The following LINGO2 variants were observed in gnomAD, a reference collection of about 807,000 sequenced individuals.
LINGO2 encodes the protein leucine-rich repeat and immunoglobulin-like domain-containing nogo receptor-interacting protein 2.
In LINGO2, 14 loss-of-function variants were observed where a neutral mutation model predicts 30.6. The observed-to-expected ratio is 0.46, with a 90% confidence interval of 0.30 to 0.72. LINGO2 has a LOEUF of 0.72. Among genes scored for constraint, LINGO2 ranks in the 30% least tolerant of loss-of-function variants. The pLI is 0.07. For missense variants in LINGO2, 729 were observed against 751.7 expected, an observed-to-expected ratio of 0.97 and a Z score of 0.35; for synonymous variants, 317 against 288.5, an observed-to-expected ratio of 1.10 and a Z score of -1.00.
At chr9:28,252,225 C>CT (rs556310736) in intron 4 of LINGO2, among the ~76,000 whole-genome samples, 55 of 151,844 alleles carry the variant, frequency 3.6e-4, no homozygotes, top group Non-Finnish European at 7.4e-4. Context: ...CATAGTAACA[C>CT]TTTTTTTTGT....
chr9:28,571,867 A>AGATC (rs1823712088), intron 1 of LINGO2, among the ~76,000 whole-genome samples: 1 of 152,108 alleles, frequency 6.6e-6, no homozygotes, highest in South Asian at 2.1e-4. Context: ...ACAGAGGAAC[A>AGATC]GATCGGCAAA....
At chr9:28,146,728 T>C (rs1407281043) in intron 4 of LINGO2, among the ~76,000 whole-genome samples, 3 of 152,204 alleles carry the variant, frequency 2.0e-5, no homozygotes, top group African/African-American at 7.2e-5. Flanking sequence ...CCTAGAGTTA[T>C]ATTTAGGGCA....
chr9:28,952,706 C>T, the LINGO2 span, among the ~76,000 whole-genome samples: 4 of 152,114 alleles, frequency 2.6e-5, no homozygotes, highest in East Asian at 1.9e-4. Context: ...GAAGTAGCCA[C>T]GTTAGACCAT....
At chr9:29,107,087 A>G in the LINGO2 span, among the ~76,000 whole-genome samples, 3 of 152,158 alleles carry the variant, frequency 2.0e-5, no homozygotes, top group African/African-American at 7.2e-5. Flanking sequence ...TACTATCTTA[A>G]TCACTAATTG....
the LINGO2 span, among the ~76,000 whole-genome samples, chr9:28,768,613 GACACACAC>G: frequency 0.023 from 3,289 of 144,462 alleles, 51 homozygotes; most frequent in Middle Eastern, 0.082. Context: ...GACAGACTGG[GACACACAC>G]ACACACACAC....
chr9:28,148,670 G>T lies in LINGO2; in HGVS notation c.-86-136265C>A. ...CCAGACTGACAAGGCCCAGGTGCCT[G>T]CAGTGAGTTTCTACTCCAACGGCCA... On this transcript the variant is annotated intron_variant, in intron 4 of 5. Transcript: ENST00000379992. This position sits in a 1 kb window ranked among gnomAD's most constrained non-coding sequence, Gnocchi z 5.1. 5 of 1,533,220 alleles carry T rather than the reference G, an allele frequency of 3.3e-6. No homozygotes were observed. The highest frequency in any genetic ancestry group is 3.5e-6 in the Non-Finnish European group (4 of 1,145,636). The allele number at this position is 1,533,220 out of a possible 1,614,324, so 95.0% of individuals were successfully genotyped here. A position where few individuals can be genotyped will look rare whatever the true frequency, so the allele number is the denominator to read the frequency against.
chr9:28,992,467 T>C, the LINGO2 span, among the ~76,000 whole-genome samples: 2 of 136,904 alleles, frequency 1.5e-5, no homozygotes, highest in African/African-American at 5.6e-5. Context: ...TGAGACAAAG[T>C]TAACAAGGAT....
the LINGO2 span, among the ~76,000 whole-genome samples, chr9:28,733,506 T>A: frequency 6.6e-6 from 1 of 152,162 alleles, no homozygotes; most frequent in African/African-American, 2.4e-5. Flanking sequence ...CATCCTTCTG[T>A]AATTTTCAGG....
chr9:28,625,192 G>C (rs1275548907), intron 1 of LINGO2, among the ~76,000 whole-genome samples: 1 of 152,020 alleles, frequency 6.6e-6, no homozygotes, highest in Non-Finnish European at 1.5e-5. Context: ...GTTAGGGCTG[G>C]TCCAAATGCT....
intron 1 of LINGO2, among the ~76,000 whole-genome samples, chr9:28,506,766 A>G (rs1587774394): frequency 6.6e-6 from 1 of 151,694 alleles, no homozygotes; most frequent in East Asian, 1.9e-4. Context: ...TCTAGGTACC[A>G]TAATTATTGC....
Position 28,215,403 on chromosome 9 carries a change from A to G in LINGO2, c.-87+79805T>C, listed in dbSNP as rs369037883. Reference sequence around the variant, plus strand: ...GAAGTTTAAAGAATCAATGATTAGAAGTCAAGAGGTAAAAATGTTGCGCAT... The same window carrying G: ...GAAGTTTAAAGAATCAATGATTAGAGGTCAAGAGGTAAAAATGTTGCGCAT... On this transcript the variant is annotated intron_variant, in intron 4 of 5. Coordinates refer to ENST00000379992, the Ensembl canonical transcript of LINGO2. 2.6e-5 allele frequency among the ~76,000 whole-genome samples: 4 copies of G among 151,934 alleles called. No individual in the cohort carries two copies. In the South Asian group the frequency reaches 6.2e-4, roughly 24 times the overall value.
the LINGO2 span, among the ~76,000 whole-genome samples, chr9:28,884,414 T>C: frequency 2.0e-5 from 3 of 152,178 alleles, no homozygotes; most frequent in Non-Finnish European, 2.9e-5. Flanking sequence ...GGAAAGTGAA[T>C]GTAATTCTGA....
chr9:28,045,693 T>A (rs2133021399), intron 4 of LINGO2, among the ~76,000 whole-genome samples: 1 of 152,242 alleles, frequency 6.6e-6, no homozygotes, highest in African/African-American at 2.4e-5. Context: ...ACATTACAAT[T>A]AATAAGCAAT....
At chr9:28,902,562 A>G in the LINGO2 span, among the ~76,000 whole-genome samples, 72 of 152,256 alleles carry the variant, frequency 4.7e-4, 1 homozygote, top group African/African-American at 1.6e-3. Context: ...AGAGCATTCT[A>G]TCCAATAGCA....
chr9:28,026,039 T>TTTAC (rs1225052853), intron 4 of LINGO2, among the ~76,000 whole-genome samples: 1 of 152,214 alleles, frequency 6.6e-6, no homozygotes, highest in Non-Finnish European at 1.5e-5. Context: ...TCCTGTTGCC[T>TTTAC]TTACTTACTG....
chr9:28,277,466 G>A (rs1219604756), intron 4 of LINGO2, among the ~76,000 whole-genome samples: 1 of 151,948 alleles, frequency 6.6e-6, no homozygotes. Context: ...CCCTTTAACT[G>A]TTCAAATTAA....
intron 4 of LINGO2, among the ~76,000 whole-genome samples, chr9:28,273,086 A>G (rs902784068): frequency 1.3e-5 from 2 of 152,176 alleles, no homozygotes; most frequent in African/African-American, 2.4e-5. Context: ...TGCTTCTCCC[A>G]TAGGTTTTCA....
chr9:28,977,279 G>A, the LINGO2 span, among the ~76,000 whole-genome samples: 5 of 151,934 alleles, frequency 3.3e-5, no homozygotes, highest in African/African-American at 7.2e-5. Flanking sequence ...AATGGAGAAC[G>A]GCTTCTGTCC....
At chr9:28,515,663 G>T (rs1045922224) in intron 1 of LINGO2, among the ~76,000 whole-genome samples, 5 of 152,174 alleles carry the variant, frequency 3.3e-5, no homozygotes, top group African/African-American at 1.2e-4. Flanking sequence ...TAGATGAGTT[G>T]TTCTCATTAA....
Sources: allele counts gnomAD v4.1 joint callset (sites outside exome capture counted in the v4.1 genomes callset), GRCh38; gene constraint gnomAD v4.1.1; non-coding constraint Gnocchi (gnomAD v3.1); transcripts MANE v1.5; gene names NCBI Gene and HGNC (gene_info 2026-07-23, HGNC 2026-07-21).